FADS1: variants seen among roughly 807,000 people sequenced by gnomAD.
FADS1 encodes the protein fatty acid desaturase 1.
In FADS1, 17 loss-of-function variants were observed where a neutral mutation model predicts 61.6. The ratio of observed to expected loss-of-function variants is 0.28; its 90% CI spans 0.19 to 0.41. The LOEUF (loss-of-function observed/expected upper bound fraction) is 0.41. Among genes scored for constraint, FADS1 ranks in the 10% least tolerant of loss-of-function variants. FADS1 has a pLI of 1.00. For synonymous variants in FADS1, 238 were observed against 258.7 expected (o/e 0.92, Z 0.77); for missense variants, 387 against 650.9 (o/e 0.59, Z 4.41).
At position 61,802,721 on chromosome 11, in the gene FADS1, C is replaced by G. The variant is rs879094043; in HGVS notation, c.1454+80G>C. 6.3e-7 allele frequency: 1 copy of G among 1,587,248 alleles called. No homozygotes were observed. The highest frequency in any genetic ancestry group is 1.7e-5 in the Admixed American group (1 of 59,810). ...CGACTGGGAACACCTTCTGTTCACT[C>G]CCCACCCTACATGTCATCATTTCCA... On this transcript the variant is annotated intron_variant, in intron 11 of 11. Coordinates refer to ENST00000350997, the MANE Select transcript of FADS1 (RefSeq NM_013402.7). This position sits in a 1 kb window ranked among gnomAD's most constrained non-coding sequence, Gnocchi z 4.2.
In FADS1 at chr11:61,803,245, G is replaced by A. The variant is rs1164436619; in HGVS notation, c.1248+118C>T. 2 of 1,237,058 alleles carry A rather than the reference G, an allele frequency of 1.6e-6. No homozygotes were observed. The highest frequency in any genetic ancestry group is 3.4e-5 in the Admixed American group (2 of 58,156). The allele number at this position is 1,237,058 out of a possible 1,614,324, so 76.6% of individuals were successfully genotyped here. ...CTCCCTTCACATGGTTGCAGAACAAGAGCCTCAGGCTAATGAGAAAATGCT... is the reference window on the plus strand; with the variant it reads ...CTCCCTTCACATGGTTGCAGAACAAAAGCCTCAGGCTAATGAGAAAATGCT... On this transcript the variant is annotated intron_variant, in intron 9 of 11. Transcript: ENST00000350997. This position sits in a 1 kb window ranked among gnomAD's most constrained non-coding sequence, Gnocchi z 4.3.
At chr11:61,810,602 C>A in intron 5 of FADS1, 149 bp downstream of exon 5, 1 of 938,038 alleles carries the variant, frequency 1.1e-6, no homozygotes, top group Non-Finnish European at 1.6e-6. Flanking sequence ...TTGCCTGTTG[C>A]CTTCCAGAAC....
Position 61,804,071 on chromosome 11 carries a change from C to T in FADS1, c.1054-304G>A. ...ATGCCGCCAAATGAATCTGCCAGGACCATGGCTCAGTCCATGCCAGTGCCC... is the reference window on the plus strand; with the variant it reads ...ATGCCGCCAAATGAATCTGCCAGGATCATGGCTCAGTCCATGCCAGTGCCC... On this transcript the variant is annotated intron_variant, in intron 7 of 11. Transcript: ENST00000350997. 6.6e-6 allele frequency: 3 copies of T among 456,318 alleles called. No homozygotes were observed. In the South Asian group the frequency reaches 7.0e-5, roughly 11 times the overall value. The allele number at this position is 456,318 out of a possible 1,614,324, so 28.3% of individuals were successfully genotyped here. A position where few individuals can be genotyped will look rare whatever the true frequency, so the allele number is the denominator to read the frequency against.
At chr11:61,805,824 T>C (rs1414000760) in intron 6 of FADS1, 1 of 151,694 alleles carries the variant, frequency 6.6e-6, no homozygotes, top group African/African-American at 2.4e-5. Flanking sequence ...CAGCCCCAAA[T>C]TCCTGGGCTC....
rs930070116 is a variant in FADS1, at chr11:61,816,075, C to A, written c.375+480G>T. 9.9e-6 allele frequency: 6 copies of A among 604,918 alleles called. No homozygotes were observed. The highest frequency in any genetic ancestry group is 1.7e-5 in the Non-Finnish European group (6 of 343,842). 37.5% of individuals were successfully genotyped at this position (604,918 alleles called of 1,614,324 possible). ...AATGGGCTCCTTTCCTGCTCCCTCT[C>A]CGCTCCTGCTGGCGAGTGGAGACCG... On this transcript the variant is annotated intron_variant, in intron 1 of 11. Coordinates refer to ENST00000350997, the MANE Select transcript of FADS1 (RefSeq NM_013402.7). This position sits in a 1 kb window ranked among gnomAD's most constrained non-coding sequence, Gnocchi z 7.0.
At position 61,803,168 on chromosome 11, in the gene FADS1, G is replaced by C. The variant is rs541481438; in HGVS notation, c.1249-57C>G. The C allele has an allele frequency of 6.5e-7, 1 of 1,539,718 alleles. No individual in the cohort carries two copies. The highest frequency in any genetic ancestry group is 9.0e-7 in the Non-Finnish European group (1 of 1,114,020). ...AATATCAGATGGAAAGGCCAGCCCA[G>C]CATTCTCCAGGTAAAGCTGGCTGAG... On this transcript the variant is annotated intron_variant, in intron 9 of 11. Transcript: ENST00000350997. This position sits in a 1 kb window ranked among gnomAD's most constrained non-coding sequence, Gnocchi z 4.3.
chr11:61,803,536 C>T lies in FADS1; in HGVS notation c.1152-77G>A. The T allele has an allele frequency of 9.2e-6, 13 of 1,409,640 alleles. No homozygotes were observed. The South Asian group carries it at 1.3e-4, about 14-fold the overall frequency. The allele number at this position is 1,409,640 out of a possible 1,614,324, so 87.3% of individuals were successfully genotyped here. ...TGATTCCCCCCTCAGATAACTGCTC[C>T]AGCCTGTCTACTTTCCCAAGCCAAC... On this transcript the variant is annotated intron_variant, in intron 8 of 11. Coordinates refer to ENST00000350997, the MANE Select transcript of FADS1 (RefSeq NM_013402.7). The surrounding 1 kb of genome is among the most constrained non-coding windows in gnomAD (Gnocchi z 4.3).
rs2066944640 is a variant in FADS1, at chr11:61,813,255, C to T, written c.474G>A (p.Glu158=). ...GELSPEQPSF[E]PTKNKELTDE... ...CACAGGGTCTTACATTCTTGGTGGGCTCAAAGCTGGGCTGCTCTGGAGACA... is the reference window on the plus strand; with the variant it reads ...CACAGGGTCTTACATTCTTGGTGGGTTCAAAGCTGGGCTGCTCTGGAGACA... The change falls in exon 2 of 12, where the codon GAG becomes GAA. Residue 158 remains glutamate (E), a synonymous_variant. Coordinates refer to ENST00000350997, the MANE Select transcript of FADS1 (RefSeq NM_013402.7). 1.2e-6 allele frequency: 2 copies of T among 1,605,402 alleles called. No individual in the cohort carries two copies. The highest frequency in any genetic ancestry group is 1.7e-6 in the Non-Finnish European group (2 of 1,172,400).
intron 3 of FADS1, 62 bp downstream of exon 3, chr11:61,812,409 C>CA: frequency 6.5e-7 from 1 of 1,538,228 alleles, no homozygotes; most frequent in South Asian, 1.1e-5. Flanking sequence ...CTCAAACACC[C>CA]AAGGAGCTTT....
Position 61,803,954 on chromosome 11 carries a change from C to A in FADS1, c.1054-187G>T. 1 of 603,590 alleles carries A rather than the reference C, an allele frequency of 1.7e-6. No individual in the cohort carries two copies. The highest frequency in any genetic ancestry group is 3.0e-6 in the Non-Finnish European group (1 of 338,514). 37.4% of individuals were successfully genotyped at this position (603,590 alleles called of 1,614,324 possible). ...CTTTCTTCCATTCCCATTGGCACCC[C>A]CCAGCCCTTCTTGCATGTCCCCTTC... On this transcript the variant is annotated intron_variant, in intron 7 of 11. Transcript: ENST00000350997. This position sits in a 1 kb window ranked among gnomAD's most constrained non-coding sequence, Gnocchi z 4.3.
chr11:61,810,699 A>G (rs750558568), intron 5 of FADS1, 52 bp downstream of exon 5: 8 of 1,606,370 alleles, frequency 5.0e-6, no homozygotes, highest in East Asian at 4.5e-5. Flanking sequence ...CAACTCCCCT[A>G]TGTTGGCTGC....
At position 61,804,773 on chromosome 11, in the gene FADS1, AC is replaced by A. The variant is rs1487695028; in HGVS notation, c.977-13del. ...GGCTGGGGGCCCAACTGGGGAGGAA[AC>A]CGAGACAAAGAGGAGGCATGAGCAC... On this transcript the variant is annotated splice_polypyrimidine_tract_variant and intron_variant, in intron 6 of 11. Transcript: ENST00000350997. 1.9e-6 allele frequency: 3 copies of A among 1,612,040 alleles called. No individual in the cohort carries two copies. The African/African-American group carries it at 4.0e-5, about 22-fold the overall frequency.
chr11:61,816,696 G>A lies in FADS1; in HGVS notation c.234C>T (p.Thr78=). The A allele has an allele frequency of 6.3e-7, 1 of 1,582,706 alleles. No homozygotes were observed. The highest frequency in any genetic ancestry group is 8.6e-7 in the Non-Finnish European group (1 of 1,164,952). Residue 78 remains threonine (T), a synonymous_variant, in exon 1 of 12, where the codon ACC becomes ACT. Coordinates refer to ENST00000350997, the MANE Select transcript of FADS1 (RefSeq NM_013402.7). The surrounding 1 kb of genome is among the most constrained non-coding windows in gnomAD (Gnocchi z 7.0). ...CTGAGCGCTGGGCCACCTCGTCCCA[G>A]GTGAAGTAGCGCGGGGTAGGTCCCT... ...AAQGPTPRYF[T]WDEVAQRSGC...
In FADS1 at chr11:61,812,615, C is replaced by A; in HGVS notation, c.540G>T (p.Gly180=). Residue 180 remains glycine (G), a synonymous_variant, in exon 3 of 12, where the codon GGG becomes GGT. Coordinates refer to ENST00000350997, the MANE Select transcript of FADS1 (RefSeq NM_013402.7). ...RELRATVERM[G]LMKANHVFFL... ...AGAAGACATGGTTGGCCTTCATGAG[C>A]CCCATCCGCTCCACTGTGGCCCGCA... 1 of 1,614,158 alleles carries A rather than the reference C, an allele frequency of 6.2e-7. No individual in the cohort carries two copies. Among genetic ancestry groups the A allele is most frequent in the Non-Finnish European group, 8.5e-7 (1 of 1,180,018 alleles).
rs34397549 is a variant in FADS1, at chr11:61,801,882, A to ATTT, written c.*526_*528dup. On this transcript the variant is annotated 3_prime_UTR_variant, in exon 12 of 12. Coordinates refer to ENST00000350997, the MANE Select transcript of FADS1 (RefSeq NM_013402.7). ...CTGAGCTCACCTTTTATATGAGTGG[A>ATTT]TTTTTTTTTTTTTTTTGAAATGGAG... 4 of 143,622 alleles carry ATTT rather than the reference A, an allele frequency of 2.8e-5. No homozygotes were observed. The highest frequency in any genetic ancestry group is 4.6e-5 in the Non-Finnish European group (3 of 65,924). 8.9% of individuals were successfully genotyped at this position (143,622 alleles called of 1,614,324 possible).
At position 61,816,221 on chromosome 11, in the gene FADS1, C is replaced by T; in HGVS notation, c.375+334G>A. 1.3e-6 allele frequency: 2 copies of T among 1,586,818 alleles called. No individual in the cohort carries two copies. Among genetic ancestry groups the T allele is most frequent in the Admixed American group, 1.7e-5 (1 of 59,436 alleles). ...GGCCTGCATCCTTGCTCTCCTCCCTCCTAGCCTACCCAGCTCGGGGTTCTG... is the reference window on the plus strand; with the variant it reads ...GGCCTGCATCCTTGCTCTCCTCCCTTCTAGCCTACCCAGCTCGGGGTTCTG... On this transcript the variant is annotated intron_variant, in intron 1 of 11. Coordinates refer to ENST00000350997, the MANE Select transcript of FADS1 (RefSeq NM_013402.7). This position sits in a 1 kb window ranked among gnomAD's most constrained non-coding sequence, Gnocchi z 7.0.
At chr11:61,814,276 G>C (rs2135941088) in intron 1 of FADS1, 1 of 152,406 alleles carries the variant, frequency 6.6e-6, no homozygotes, top group South Asian at 2.1e-4. Flanking sequence ...GGTGTCCACA[G>C]TTTAAGATCA....
In FADS1 at chr11:61,813,175, C is replaced by A. The variant is rs927219645; in HGVS notation, c.486+68G>T. On this transcript the variant is annotated intron_variant, in intron 2 of 11. Coordinates refer to ENST00000350997, the MANE Select transcript of FADS1 (RefSeq NM_013402.7). ...CTATGACTGTGATCCCATCTAGACT[C>A]TCCTTCCACCCCCTCTCTGTCCCCC... 17 of 947,800 alleles carry A rather than the reference C, an allele frequency of 1.8e-5. No homozygotes were observed. The South Asian group carries it at 2.2e-4, about 12-fold the overall frequency. The allele number at this position is 947,800 out of a possible 1,614,324, so 58.7% of individuals were successfully genotyped here. A position where few individuals can be genotyped will look rare whatever the true frequency, so the allele number is the denominator to read the frequency against.
Position 61,816,903 on chromosome 11 carries a change from G to C in FADS1, c.27C>G (p.Ala9=), listed in dbSNP as rs1160136780. Residue 9 remains alanine (A), a synonymous_variant, in exon 1 of 12, where the codon GCC becomes GCG. Transcript: ENST00000350997. The surrounding 1 kb of genome is among the most constrained non-coding windows in gnomAD (Gnocchi z 7.0). Reference sequence around the variant, plus strand: ...GGTTTTCAGCACCGCAGGGCAGACCGGCGGGCCTCGCAGCGCGCGTTCCCA... The same window carrying C: ...GGTTTTCAGCACCGCAGGGCAGACCCGCGGGCCTCGCAGCGCGCGTTCCCA... MGTRAARP[A]GLPCGAENPA... is the part of the protein sequence containing the mutation. 1.4e-6 allele frequency: 2 copies of C among 1,414,896 alleles called. No individual in the cohort carries two copies. Among genetic ancestry groups the C allele is most frequent in the South Asian group, 1.5e-5 (1 of 66,740 alleles). 87.6% of individuals were successfully genotyped at this position (1,414,896 alleles called of 1,614,324 possible).
Sources: gnomAD v4.1 joint callset for allele counts on GRCh38, gnomAD v4.1.1 for gene constraint, Gnocchi (gnomAD v3.1) non-coding constraint, MANE v1.5 for transcripts, NCBI Gene and HGNC (gene_info 2026-07-23, HGNC 2026-07-21) for gene names.